Variants in MAD1L1 observed in about 807,000 individuals in gnomAD.
MAD1L1 encodes mitotic spindle assembly checkpoint protein MAD1.
MAD1L1 carries 95 observed loss-of-function variants against 96.9 expected under a neutral mutation model. That is an observed-to-expected ratio of 0.98 (90% CI 0.83 to 1.16). The LOEUF is 1.16. Ranked by LOEUF, MAD1L1 falls within the 50% of genes most tolerant of loss-of-function variation. MAD1L1 has a pLI of 0.00. For synonymous variants in MAD1L1, 473 were observed against 396.6 expected (o/e 1.19, Z -2.29); for missense variants, 1,007 against 954.4 (o/e 1.06, Z -0.73).
At chr7:2,017,692 C>T (rs922558245) in intron 12 of MAD1L1, among the ~76,000 whole-genome samples, 4 of 152,306 alleles carry the variant, frequency 2.6e-5, no homozygotes, top group Non-Finnish European at 4.4e-5. Context: ...GAGATAATGA[C>T]GCTCATTCCC....
chr7:2,054,117 C>T (rs566614262), intron 12 of MAD1L1, among the ~76,000 whole-genome samples: 4 of 152,242 alleles, frequency 2.6e-5, no homozygotes, highest in African/African-American at 7.2e-5. Context: ...AGTGCTGTGG[C>T]CATCTCCTCA....
intron 11 of MAD1L1, among the ~76,000 whole-genome samples, chr7:2,087,897 G>A (rs1037023282): frequency 6.6e-6 from 1 of 152,180 alleles, no homozygotes; most frequent in Non-Finnish European, 1.5e-5. Context: ...AGCAGCTGAA[G>A]GGAAAACCAC....
At chr7:1,934,560 CAG>C (rs1226455032) in intron 17 of MAD1L1, among the ~76,000 whole-genome samples, 1 of 150,244 alleles carries the variant, frequency 6.7e-6, no homozygotes, top group Admixed American at 6.6e-5. Context: ...ACCCAGACAA[CAG>C]GGGAACAAAC....
At chr7:1,924,729 G>C (rs754695938) in intron 17 of MAD1L1, among the ~76,000 whole-genome samples, 13 of 152,132 alleles carry the variant, frequency 8.5e-5, no homozygotes, top group Non-Finnish European at 1.5e-4. Flanking sequence ...TTATAAAATA[G>C]GCATGACAGT....
In MAD1L1 at chr7:2,103,872, C is replaced by A. The variant is rs1037713665; in HGVS notation, c.1074-34534G>T. Among the ~76,000 whole-genome samples the A allele has an allele frequency of 9.9e-5, 15 of 152,160 alleles. No homozygotes were observed. Among genetic ancestry groups the A allele is most frequent in the Admixed American group, 1.3e-4 (2 of 15,284 alleles). ...ATGGGGTGGGAAAAGGCAAGGAATGCGGGGAGACCACCAGTTCTGATGCCA... is the reference window on the plus strand; with the variant it reads ...ATGGGGTGGGAAAAGGCAAGGAATGAGGGGAGACCACCAGTTCTGATGCCA... On this transcript the variant is annotated intron_variant, in intron 11 of 18. Coordinates refer to ENST00000265854, the MANE Select transcript of MAD1L1 (RefSeq NM_001013836.2). This position sits in a 1 kb window ranked among gnomAD's most constrained non-coding sequence, Gnocchi z 4.3.
At chr7:2,213,607 A>C (rs1157072656) in intron 9 of MAD1L1, among the ~76,000 whole-genome samples, 2 of 152,216 alleles carry the variant, frequency 1.3e-5, no homozygotes, top group African/African-American at 4.8e-5. Flanking sequence ...CCCAGGGAGC[A>C]GCCTCGGGTC....
intron 10 of MAD1L1, among the ~76,000 whole-genome samples, chr7:2,160,867 T>C (rs958223577): frequency 6.6e-6 from 1 of 152,186 alleles, no homozygotes; most frequent in African/African-American, 2.4e-5. Flanking sequence ...AAGCCTAGTA[T>C]TGCAACCTTA....
chr7:1,885,266 C>A (rs576874441), intron 18 of MAD1L1, among the ~76,000 whole-genome samples: 2 of 152,184 alleles, frequency 1.3e-5, no homozygotes, highest in Non-Finnish European at 2.9e-5. Context: ...CAGAGCTCCA[C>A]GAAGGGCTGC....
intron 17 of MAD1L1, among the ~76,000 whole-genome samples, chr7:1,921,919 A>G (rs1220300038): frequency 6.6e-6 from 1 of 152,242 alleles, no homozygotes; most frequent in African/African-American, 2.4e-5. Flanking sequence ...AAGCTCAAAG[A>G]GCCCAGAAGA....
At chr7:2,057,134 C>T (rs1309613134) in intron 12 of MAD1L1, among the ~76,000 whole-genome samples, 1 of 152,270 alleles carries the variant, frequency 6.6e-6, no homozygotes, top group Non-Finnish European at 1.5e-5. Context: ...CCCAGCCCCA[C>T]CTAGAGAGGG....
At chr7:2,064,659 A>T (rs949026795) in intron 12 of MAD1L1, among the ~76,000 whole-genome samples, 3 of 150,590 alleles carry the variant, frequency 2.0e-5, no homozygotes, top group African/African-American at 7.3e-5. Flanking sequence ...GGCTTCTCCT[A>T]GGAGGACAGT....
intron 12 of MAD1L1, among the ~76,000 whole-genome samples, chr7:2,049,445 G>A (rs937846307): frequency 1.3e-5 from 2 of 152,216 alleles, no homozygotes; most frequent in Non-Finnish European, 2.9e-5. Flanking sequence ...ACCATGGGTG[G>A]CAAAAGGCTC....
intron 12 of MAD1L1, among the ~76,000 whole-genome samples, chr7:2,068,748 G>A (rs369682163): frequency 1.3e-5 from 2 of 152,192 alleles, no homozygotes; most frequent in Admixed American, 6.5e-5. Flanking sequence ...GCTTAGAGTC[G>A]GGCCATGGAG....
chr7:1,987,238 C>T (rs1386880538), intron 14 of MAD1L1, among the ~76,000 whole-genome samples: 1 of 152,246 alleles, frequency 6.6e-6, no homozygotes, highest in African/African-American at 2.4e-5. Flanking sequence ...TGACTCTCCT[C>T]CCCACTGGAT....
In MAD1L1 at chr7:1,918,830, C is replaced by T. The variant is rs13437677; in HGVS notation, c.1807+17857G>A. Among the ~76,000 whole-genome samples, 552 of 152,342 alleles carry T rather than the reference C, an allele frequency of 3.6e-3. 3 individuals are homozygous for T. Among genetic ancestry groups the T allele is most frequent in the African/African-American group, 0.012 (517 of 41,584 alleles). ...CCTGAGGAGACCACAGCTCCCGGCCCCAGGGCGACTGGTGCTGTGGCTACT... is the reference window on the plus strand; with the variant it reads ...CCTGAGGAGACCACAGCTCCCGGCCTCAGGGCGACTGGTGCTGTGGCTACT... On this transcript the variant is annotated intron_variant, in intron 17 of 18. Coordinates refer to ENST00000265854, the MANE Select transcript of MAD1L1 (RefSeq NM_001013836.2).
At chr7:1,969,300 T>C (rs1202801129) in intron 15 of MAD1L1, among the ~76,000 whole-genome samples, 2 of 152,152 alleles carry the variant, frequency 1.3e-5, no homozygotes, top group African/African-American at 4.8e-5. Flanking sequence ...AGGATTCACT[T>C]GAACCCGGGA....
intron 12 of MAD1L1, among the ~76,000 whole-genome samples, chr7:2,061,695 G>A (rs918684432): frequency 6.6e-6 from 1 of 152,208 alleles, no homozygotes; most frequent in African/African-American, 2.4e-5. Flanking sequence ...ATCACCAAAC[G>A]TCATACACGT....
intron 10 of MAD1L1, among the ~76,000 whole-genome samples, chr7:2,193,647 T>C (rs1444320900): frequency 6.6e-6 from 1 of 152,250 alleles, no homozygotes; most frequent in African/African-American, 2.4e-5. Context: ...GTTTTATCCC[T>C]TCAAAATTAT....
intron 12 of MAD1L1, among the ~76,000 whole-genome samples, chr7:2,064,463 C>T (rs949096476): frequency 1.3e-5 from 2 of 152,230 alleles, no homozygotes; most frequent in African/African-American, 4.8e-5. Context: ...CTGTAAGAGG[C>T]TGGGATGGCT....
Sources: allele counts gnomAD v4.1 joint callset (sites outside exome capture counted in the v4.1 genomes callset), GRCh38; gene constraint gnomAD v4.1.1; non-coding constraint Gnocchi (gnomAD v3.1); transcripts MANE v1.5; gene names NCBI Gene and HGNC (gene_info 2026-07-23, HGNC 2026-07-21).